ACYP2: variants seen among roughly 807,000 people sequenced by gnomAD.
ACYP2 encodes acylphosphatase 2, also known as acylphosphatase-2.
ACYP2 carries 12 observed loss-of-function variants against 11.2 expected under a neutral mutation model. That is an observed-to-expected ratio of 1.08 (90% confidence interval 0.69 to 1.74). ACYP2 has a LOEUF of 1.74. Ranked by LOEUF, ACYP2 falls within the 40% of genes most tolerant of loss-of-function variation. The probability of loss-of-function intolerance (pLI) is 0.00; values close to 1 mark genes in which losing one functional copy is unlikely to be tolerated. For missense variants in ACYP2, 134 were observed against 101.9 expected (o/e 1.31, Z -1.35); for synonymous variants, 43 against 32.2 (o/e 1.33, Z -1.13).
chr2:53,972,074 C>A (rs1020587410), intron 1 of ACYP2, among the ~76,000 whole-genome samples: 2 of 152,160 alleles, frequency 1.3e-5, no homozygotes. Context: ...CTTTGGGAGG[C>A]CGAGGCGGGC....
At chr2:54,216,542 A>ATT (rs202231897) in intron 6 of ACYP2, among the ~76,000 whole-genome samples, 187 of 146,444 alleles carry the variant, frequency 1.3e-3, no homozygotes, top group Middle Eastern at 3.5e-3. Context: ...TCACGTTTAC[A>ATT]TTTTTTTTTT....
chr2:54,180,207 A>G (rs559577860), intron 6 of ACYP2, among the ~76,000 whole-genome samples: 7 of 152,274 alleles, frequency 4.6e-5, no homozygotes, highest in East Asian at 3.9e-4. Context: ...GTGCTTAGCT[A>G]TCTGGAAGTT....
At chr2:54,074,056 A>G (rs1241815413) in intron 4 of ACYP2, among the ~76,000 whole-genome samples, 1 of 152,200 alleles carries the variant, frequency 6.6e-6, no homozygotes, top group East Asian at 1.9e-4. Flanking sequence ...AAATGAAAAC[A>G]AGGCCGGATG....
At position 53,973,794 on chromosome 2, in the gene ACYP2, C is replaced by T; in HGVS notation, c.46C>T (p.Arg16Cys). ...GTTTGGTGGTCTCTTCCCACGGACG[C>T]GCGAGACAATGAGGAGGTACTTGGA... The change falls in exon 2 of 7, where the codon CGC becomes TGC. Residue 16 changes from arginine (R) to cysteine (C), a missense_variant. Arg to Cys is a radical substitution (Grantham distance 180). Transcript: ENST00000607452. The T allele has an allele frequency of 1.2e-5, 4 of 329,004 alleles. No homozygotes were observed. The highest frequency in any genetic ancestry group is 1.6e-5 in the Non-Finnish European group (3 of 182,626). The allele number at this position is 329,004 out of a possible 1,614,324, so 20.4% of individuals were successfully genotyped here. A position where few individuals can be genotyped will look rare whatever the true frequency, so the allele number is the denominator to read the frequency against.
In ACYP2 at chr2:54,215,846, A is replaced by T. The variant is rs1436317201; in HGVS notation, c.404+77098A>T. On this transcript the variant is annotated intron_variant, in intron 6 of 6. Coordinates refer to ENST00000607452, the MANE Select transcript of ACYP2 (RefSeq NM_001320586.2). Reference sequence around the variant, plus strand: ...TTTAATAAAGCTTATACTGATGAAAATTAGGTCATTTAAAAACTGTCTTTA... The same window carrying T: ...TTTAATAAAGCTTATACTGATGAAATTTAGGTCATTTAAAAACTGTCTTTA... Among the ~76,000 whole-genome samples, 7 of 152,182 alleles carry T rather than the reference A, an allele frequency of 4.6e-5. No individual in the cohort carries two copies. In the East Asian group the frequency reaches 1.3e-3, roughly 29 times the overall value.
At chr2:54,196,701 G>T (rs1444571171) in intron 6 of ACYP2, among the ~76,000 whole-genome samples, 1 of 152,110 alleles carries the variant, frequency 6.6e-6, no homozygotes, top group Non-Finnish European at 1.5e-5. Context: ...TCACCCTCTA[G>T]TTGCAACTAG....
At chr2:54,006,598 C>T (rs1018298511) in intron 2 of ACYP2, among the ~76,000 whole-genome samples, 7 of 152,074 alleles carry the variant, frequency 4.6e-5, no homozygotes, top group African/African-American at 1.7e-4. Flanking sequence ...CAGTATCTCT[C>T]TCTATTTATT....
chr2:54,075,531 G>T (rs939296244), intron 4 of ACYP2, among the ~76,000 whole-genome samples: 10 of 146,550 alleles, frequency 6.8e-5, no homozygotes, highest in Non-Finnish European at 1.2e-4. Flanking sequence ...AAAAAAAAAA[G>T]GGTGGACACG....
At chr2:54,300,759 G>A (rs1285687184) in intron 6 of ACYP2, among the ~76,000 whole-genome samples, 1 of 152,176 alleles carries the variant, frequency 6.6e-6, no homozygotes, top group African/African-American at 2.4e-5. Context: ...TTAATAATTT[G>A]TTAGGTAGTA....
At chr2:54,076,021 T>C (rs1467449588) in intron 4 of ACYP2, among the ~76,000 whole-genome samples, 2 of 152,232 alleles carry the variant, frequency 1.3e-5, no homozygotes, top group Non-Finnish European at 2.9e-5. Context: ...AGATTTAATA[T>C]TGTTTTTAGA....
chr2:54,086,013 G>A (rs139676558), intron 4 of ACYP2, among the ~76,000 whole-genome samples: 1 of 151,970 alleles, frequency 6.6e-6, no homozygotes, highest in Non-Finnish European at 1.5e-5. Context: ...GCGCAGTCTC[G>A]GCTCACTGCA....
At chr2:54,122,470 T>C (rs972264321) in intron 4 of ACYP2, among the ~76,000 whole-genome samples, 2 of 152,260 alleles carry the variant, frequency 1.3e-5, no homozygotes, top group Middle Eastern at 3.4e-3. Context: ...AAAACCTGCA[T>C]GTGTCATATC....
intron 2 of ACYP2, among the ~76,000 whole-genome samples, chr2:53,975,659 C>T (rs1433789196): frequency 1.3e-5 from 2 of 152,016 alleles, no homozygotes; most frequent in Admixed American, 6.6e-5. Context: ...ACTGAAACCC[C>T]GTCTCTACTA....
intron 6 of ACYP2, among the ~76,000 whole-genome samples, chr2:54,145,822 C>T (rs1681857622): frequency 6.6e-6 from 1 of 152,132 alleles, no homozygotes; most frequent in African/African-American, 2.4e-5. Context: ...AAATCCCACA[C>T]AGATCTATGT....
chr2:54,066,980 A>G (rs1240085542), intron 4 of ACYP2, among the ~76,000 whole-genome samples: 1 of 152,198 alleles, frequency 6.6e-6, no homozygotes, highest in Non-Finnish European at 1.5e-5. Flanking sequence ...TTGAATCTGA[A>G]TTTTACTACT....
intron 2 of ACYP2, among the ~76,000 whole-genome samples, chr2:54,015,964 T>G (rs781721326): frequency 2.6e-5 from 4 of 152,018 alleles, no homozygotes; most frequent in Non-Finnish European, 4.4e-5. Context: ...CACACCCAGC[T>G]AACTAGAATT....
At chr2:54,201,552 A>C (rs186611681) in intron 6 of ACYP2, among the ~76,000 whole-genome samples, 45 of 152,006 alleles carry the variant, frequency 3.0e-4, no homozygotes, top group African/African-American at 7.5e-4. Context: ...GAAGCACAAA[A>C]GTTTTAAAAT....
At chr2:54,196,124 A>T (rs898948681) in intron 6 of ACYP2, among the ~76,000 whole-genome samples, 15 of 152,068 alleles carry the variant, frequency 9.9e-5, no homozygotes, top group Non-Finnish European at 1.9e-4. Flanking sequence ...TTAAAATTGG[A>T]TTTTATTACT....
intron 4 of ACYP2, among the ~76,000 whole-genome samples, chr2:54,089,715 G>A (rs1033116656): frequency 7.9e-5 from 12 of 152,080 alleles, no homozygotes; most frequent in Non-Finnish European, 1.5e-4. Context: ...ACTCCAGCCT[G>A]GGCAACAGAG....
Sources: gnomAD v4.1 joint callset for allele counts (sites outside exome capture counted in the v4.1 genomes callset) on GRCh38, gnomAD v4.1.1 for gene constraint, MANE v1.5 for transcripts, NCBI Gene and HGNC (gene_info 2026-07-23, HGNC 2026-07-21) for gene names.